Variants in FMN2 observed in about 807,000 individuals in gnomAD.
The protein encoded by FMN2 is formin-2.
Under a neutral mutation model 142.3 loss-of-function variants are expected in FMN2, and 51 were observed. The ratio of observed to expected loss-of-function variants is 0.36; its 90% CI spans 0.29 to 0.45. The LOEUF (loss-of-function observed/expected upper bound fraction) is 0.45. FMN2 is among the 20% of genes least tolerant of loss of function. FMN2 has a pLI of 1.00. For missense variants in FMN2, 1,936 were observed against 2,122.8 expected (o/e 0.91, Z 1.73); for synonymous variants, 882 against 869.8 (o/e 1.01, Z -0.25).
At chr1:240,170,089 A>G in intron 2 of FMN2, 1 of 597,978 alleles carries the variant, frequency 1.7e-6, no homozygotes, top group Non-Finnish European at 3.0e-6. Context: ...TGAGAATAGC[A>G]ACAGTTCCTC....
At chr1:240,119,546 G>A (rs1662154908) in intron 1 of FMN2, among the ~76,000 whole-genome samples, 1 of 152,184 alleles carries the variant, frequency 6.6e-6, no homozygotes, top group African/African-American at 2.4e-5. Context: ...CGAGGTGGCT[G>A]TGCCACCGCC....
At chr1:240,139,298 C>T (rs1472988327) in intron 2 of FMN2, among the ~76,000 whole-genome samples, 1 of 44,112 alleles carries the variant, frequency 2.3e-5, no homozygotes, top group Admixed American at 2.4e-4. Flanking sequence ...CAATGAGGAG[C>T]AGGTTGTGGG....
intron 15 of FMN2, among the ~76,000 whole-genome samples, chr1:240,396,305 TG>T (rs1401146933): frequency 0.065 from 6,146 of 94,330 alleles, 171 homozygotes; most frequent in African/African-American, 0.11. Flanking sequence ...GAGGTTTTCG[TG>T]TGTGTGTGTG....
chr1:240,128,891 T>C (rs545658124), intron 2 of FMN2, among the ~76,000 whole-genome samples: 1 of 152,248 alleles, frequency 6.6e-6, no homozygotes, highest in African/African-American at 2.4e-5. Context: ...TTTTCTTTTT[T>C]GAGACAGAAT....
At chr1:240,472,984 T>C (rs951869510) in intron 17 of FMN2, among the ~76,000 whole-genome samples, 2 of 151,670 alleles carry the variant, frequency 1.3e-5, no homozygotes, top group Admixed American at 6.6e-5. Context: ...CTACTGAATC[T>C]ACTGAGGGTG....
chr1:240,145,321 C>A, intron 2 of FMN2: 2 of 1,129,430 alleles, frequency 1.8e-6, no homozygotes, highest in Non-Finnish European at 1.2e-6. Context: ...TGAGGGCCGC[C>A]GCTGGGGGCT....
chr1:240,418,001 A>G (rs1003343381), intron 15 of FMN2, among the ~76,000 whole-genome samples: 4 of 151,928 alleles, frequency 2.6e-5, no homozygotes, highest in African/African-American at 9.7e-5. Context: ...ATAATCCTCT[A>G]TTGATTAATG....
chr1:240,387,108 TA>T (rs1431351591), intron 14 of FMN2, among the ~76,000 whole-genome samples: 1 of 152,234 alleles, frequency 6.6e-6, no homozygotes, highest in Non-Finnish European at 1.5e-5. Flanking sequence ...GAGTTACTGG[TA>T]TTCTCTGAAT....
chr1:240,148,921 T>G (rs976627713), intron 2 of FMN2, among the ~76,000 whole-genome samples: 105 of 151,050 alleles, frequency 7.0e-4, no homozygotes, highest in African/African-American at 2.3e-3. Flanking sequence ...GCAGTGAGTC[T>G]AGATCGCGCC....
Position 240,211,212 on chromosome 1 carries a change from A to G in FMN2, c.4042A>G (p.Ile1348Val). The change falls in exon 6 of 18, where the codon ATC becomes GTC. Residue 1348 changes from isoleucine (I) to valine (V), a missense_variant. Physicochemically the swap from Ile to Val is conservative, Grantham distance 29. Transcript: ENST00000319653. Reference sequence around the variant, plus strand: ...GAGAAAGAAACCTATCTCTGATACTATCTCAAAGACGAAGGCTAAACAAGT... The same window carrying G: ...GAGAAAGAAACCTATCTCTGATACTGTCTCAAAGACGAAGGCTAAACAAGT... ...KERKKPISDT[I>V]SKTKAKQVVK... 1 of 1,611,810 alleles carries G rather than the reference A, an allele frequency of 6.2e-7. No homozygotes were observed. Among genetic ancestry groups the G allele is most frequent in the Non-Finnish European group, 8.5e-7 (1 of 1,179,356 alleles).
At chr1:240,379,830 A>T (rs76454853) in intron 14 of FMN2, among the ~76,000 whole-genome samples, 4,130 of 152,294 alleles carry the variant, frequency 0.027, 192 homozygotes, top group African/African-American at 0.094. Flanking sequence ...TTGAAATGAT[A>T]AACAAAATAG....
At chr1:240,187,426 G>A (rs1326079471) in intron 3 of FMN2, among the ~76,000 whole-genome samples, 1 of 152,066 alleles carries the variant, frequency 6.6e-6, no homozygotes, top group Non-Finnish European at 1.5e-5. Context: ...ACAACCACTT[G>A]CATTATGGGC....
intron 15 of FMN2, among the ~76,000 whole-genome samples, chr1:240,425,669 A>G (rs1572294527): frequency 6.6e-6 from 1 of 152,332 alleles, no homozygotes; most frequent in East Asian, 1.9e-4. Flanking sequence ...TCCTTCTTGA[A>G]GCATATATTT....
At chr1:240,105,941 T>G (rs1024225478) in intron 1 of FMN2, among the ~76,000 whole-genome samples, 55 of 152,306 alleles carry the variant, frequency 3.6e-4, no homozygotes, top group African/African-American at 1.3e-3. Context: ...GCTTTCCTTT[T>G]AGCATTAAAT....
At chr1:240,371,638 T>A (rs1672870536) in intron 14 of FMN2, among the ~76,000 whole-genome samples, 2 of 152,244 alleles carry the variant, frequency 1.3e-5, no homozygotes. Context: ...TAAATCGTCA[T>A]AACATATTAA....
At position 240,465,382 on chromosome 1, in the gene FMN2, G is replaced by GTC. The variant is rs1273393594; in HGVS notation, c.5061-6989_5061-6988insCT. 2.5e-3 allele frequency among the ~76,000 whole-genome samples: 252 copies of GTC among 100,576 alleles called. 2 individuals carry two copies. The highest frequency in any genetic ancestry group is 9.4e-3 in the African/African-American group (244 of 26,086). 66.0% of individuals were successfully genotyped at this position (100,576 alleles called of 152,430 possible). Reference sequence around the variant, plus strand: ...TGTGTGTGTGTGTGTGTGTGTGTGTGTGTGTCTGTCTTTCTCTTTTTTCTC... The same window carrying GTC: ...TGTGTGTGTGTGTGTGTGTGTGTGTGTCTGTGTCTGTCTTTCTCTTTTTTCTC... On this transcript the variant is annotated intron_variant, in intron 16 of 17. Coordinates refer to ENST00000319653, the MANE Select transcript of FMN2 (RefSeq NM_020066.5).
intron 16 of FMN2, among the ~76,000 whole-genome samples, chr1:240,444,863 C>G (rs1435130692): frequency 6.6e-6 from 1 of 152,154 alleles, no homozygotes; most frequent in Admixed American, 6.5e-5. Context: ...ATTGAAAATA[C>G]ATCTGAAGAA....
rs147879508 is a variant in FMN2 at position 240,098,503 on chromosome 1, C to T, written c.1615+4779C>T. Among the ~76,000 whole-genome samples the T allele has an allele frequency of 9.8e-4, 149 of 152,064 alleles. 1 individual carries two copies. Among genetic ancestry groups the T allele is most frequent in the African/African-American group, 3.5e-3 (146 of 41,442 alleles). On this transcript the variant is annotated intron_variant, in intron 1 of 17. Transcript: ENST00000319653. ...GGAGTAGTTTGATTTCCAGCAGAGCCCCTGACAGAGTATAGATGTCCAGTT... is the reference window on the plus strand; with the variant it reads ...GGAGTAGTTTGATTTCCAGCAGAGCTCCTGACAGAGTATAGATGTCCAGTT...
At chr1:240,334,976 G>A (rs68143564) in intron 13 of FMN2, among the ~76,000 whole-genome samples, 3,018 of 152,152 alleles carry the variant, frequency 0.02, 36 homozygotes, top group Middle Eastern at 0.031. Context: ...GAAAAGGCCT[G>A]GTTACCCCTG....
Sources: allele counts gnomAD v4.1 joint callset (sites outside exome capture counted in the v4.1 genomes callset), GRCh38; gene constraint gnomAD v4.1.1; transcripts MANE v1.5; gene names NCBI Gene and HGNC (gene_info 2026-07-23, HGNC 2026-07-21).